The following TENM4 variants were observed in gnomAD, a reference collection of about 807,000 sequenced individuals.
The protein encoded by TENM4 is teneurin-4.
A neutral mutation model predicts 243.3 loss-of-function variants in TENM4; 82 were observed. The ratio of observed to expected loss-of-function variants is 0.34; its 90% CI spans 0.28 to 0.40. The LOEUF is 0.40. Ranked by LOEUF, TENM4 falls within the 10% of genes least tolerant of loss-of-function variation. TENM4 has a pLI of 1.00. For synonymous variants in TENM4, 1,412 were observed against 1,456.3 expected, an observed-to-expected ratio of 0.97 and a Z score of 0.69; for missense variants, 3,138 against 3,673.3, an observed-to-expected ratio of 0.85 and a Z score of 3.77.
intron 2 of TENM4, among the ~76,000 whole-genome samples, chr11:79,220,682 A>G (rs1279518134): frequency 6.6e-6 from 1 of 152,218 alleles, no homozygotes; most frequent in African/African-American, 2.4e-5. Flanking sequence ...CCTGTCCTTC[A>G]GCTAGCTCTT....
At chr11:78,930,548 G>A (rs1856645238) in intron 6 of TENM4, among the ~76,000 whole-genome samples, 2 of 152,144 alleles carry the variant, frequency 1.3e-5, no homozygotes, top group Admixed American at 6.5e-5. Context: ...TCCTATCTGA[G>A]CCTCGGTACG....
intron 12 of TENM4, among the ~76,000 whole-genome samples, chr11:78,826,131 A>G (rs1320599351): frequency 8.5e-6 from 1 of 117,536 alleles, no homozygotes; most frequent in Admixed American, 1.3e-4. Context: ...CTTGTTGCCC[A>G]GGCTGGAGTG....
intron 1 of TENM4, among the ~76,000 whole-genome samples, chr11:79,330,572 T>C (rs1037889178): frequency 5.9e-5 from 9 of 152,302 alleles, no homozygotes; most frequent in Middle Eastern, 3.4e-3. Context: ...CTTCCTCATC[T>C]GTAAAACGGA....
intron 17 of TENM4, among the ~76,000 whole-genome samples, chr11:78,775,277 A>G (rs1397249797): frequency 6.6e-6 from 1 of 152,204 alleles, no homozygotes; most frequent in Non-Finnish European, 1.5e-5. Context: ...CTGTAGGCAC[A>G]TGGCATCTTG....
chr11:79,006,984 T>C (rs1409147456), intron 6 of TENM4, among the ~76,000 whole-genome samples: 3 of 152,168 alleles, frequency 2.0e-5, no homozygotes, highest in Non-Finnish European at 2.9e-5. Context: ...GTTGAAGGCC[T>C]GAATAAAACA....
intron 32 of TENM4, among the ~76,000 whole-genome samples, chr11:78,667,402 AG>A (rs1858183652): frequency 6.6e-6 from 1 of 152,198 alleles, no homozygotes; most frequent in African/African-American, 2.4e-5. Flanking sequence ...CACGTCTGTA[AG>A]GGGCATTCAT....
At chr11:79,346,678 G>C (rs962185902) in intron 1 of TENM4, among the ~76,000 whole-genome samples, 1 of 152,164 alleles carries the variant, frequency 6.6e-6, no homozygotes, top group African/African-American at 2.4e-5. Context: ...AGGAGAGCTG[G>C]AGCTGGAATT....
In TENM4 at chr11:78,736,477, T is replaced by TGCGC. The variant is rs1555073138; in HGVS notation, c.2876+1973_2876+1974insGCGC. On this transcript the variant is annotated intron_variant, in intron 20 of 33. Transcript: ENST00000278550. ...GTGTGTGTGTGTGTGTGTGTGTGTG[T>TGCGC]GTGCGCGCGCGTGCATGTGAGTAGG... 2.8e-3 allele frequency among the ~76,000 whole-genome samples: 289 copies of TGCGC among 102,118 alleles called. 2 individuals are homozygous for TGCGC. Among genetic ancestry groups the TGCGC allele is most frequent in the African/African-American group, 9.2e-3 (274 of 29,936 alleles). The allele number at this position is 102,118 out of a possible 152,430, so 67.0% of individuals were successfully genotyped here.
intron 12 of TENM4, among the ~76,000 whole-genome samples, chr11:78,848,071 G>A (rs1048215267): frequency 1.2e-4 from 17 of 145,426 alleles, no homozygotes; most frequent in African/African-American, 3.9e-4. Flanking sequence ...GGAATGGATT[G>A]TAGGGAAAGC....
chr11:78,766,253 A>G (rs554832578), intron 18 of TENM4, among the ~76,000 whole-genome samples: 4 of 152,300 alleles, frequency 2.6e-5, no homozygotes, highest in African/African-American at 9.6e-5. Flanking sequence ...GGGCCTTTCA[A>G]TATATAACCT....
At chr11:79,124,909 G>GTC (rs1185996658) in intron 4 of TENM4, among the ~76,000 whole-genome samples, 4 of 149,404 alleles carry the variant, frequency 2.7e-5, no homozygotes, top group Non-Finnish European at 5.9e-5. Flanking sequence ...GTGTGTGTGT[G>GTC]TGTGTGTGTG....
chr11:78,726,307 T>C (rs597327), intron 22 of TENM4, 85 bp from the exon 23 acceptor site: 179,443 of 1,448,022 alleles, frequency 0.12, 12,805 homozygotes, highest in African/African-American at 0.28. Flanking sequence ...GCCCCTGGCT[T>C]ATCTTTTGTA....
At chr11:79,085,393 GGT>G (rs1491318196) in intron 4 of TENM4, among the ~76,000 whole-genome samples, 38,629 of 146,894 alleles carry the variant, frequency 0.26, 5,297 homozygotes, top group East Asian at 0.42. Context: ...AAAAAAGGGG[GGT>G]TTTTTTTTTG....
At chr11:79,381,148 C>A (rs937006817) in intron 1 of TENM4, among the ~76,000 whole-genome samples, 10 of 152,074 alleles carry the variant, frequency 6.6e-5, no homozygotes, top group African/African-American at 2.4e-4. Context: ...CTTGCTACAC[C>A]AGCTTGCTTT....
intron 18 of TENM4, among the ~76,000 whole-genome samples, chr11:78,759,262 C>G (rs1302233262): frequency 2.0e-5 from 3 of 152,246 alleles, no homozygotes; most frequent in Non-Finnish European, 4.4e-5. Context: ...ATCACACATT[C>G]TCATGCTGCC....
chr11:79,204,681 GT>G (rs1211669998), intron 3 of TENM4, among the ~76,000 whole-genome samples: 1 of 152,214 alleles, frequency 6.6e-6, no homozygotes, highest in Non-Finnish European at 1.5e-5. Context: ...ATTTGGCAGT[GT>G]TTAGTAGAGC....
chr11:79,018,713 T>G (rs763977974), intron 6 of TENM4, among the ~76,000 whole-genome samples: 2 of 152,190 alleles, frequency 1.3e-5, no homozygotes, highest in Non-Finnish European at 2.9e-5. Context: ...ATATGTGCAT[T>G]GTGATTTGAG....
At position 78,719,985 on chromosome 11, in the gene TENM4, T is replaced by C. The variant is rs565963113; in HGVS notation, c.3821+385A>G. 1.3e-3 allele frequency among the ~76,000 whole-genome samples: 196 copies of C among 152,314 alleles called. 1 individual carries two copies. Among genetic ancestry groups the C allele is most frequent in the Non-Finnish European group, 2.2e-3 (147 of 68,024 alleles). On this transcript the variant is annotated intron_variant, in intron 25 of 33. Transcript: ENST00000278550. The stretch of plus-strand genomic sequence containing the variant: ...GTGAAATCTGTCTTCTTCCAGATTG[T>C]TCACCTGATCAAGATGTTCTCAGGA...
At chr11:78,986,862 C>T (rs1005440401) in intron 6 of TENM4, among the ~76,000 whole-genome samples, 1 of 152,208 alleles carries the variant, frequency 6.6e-6, no homozygotes, top group African/African-American at 2.4e-5. Context: ...GCGTGAGTGA[C>T]CCCACTCGGC....
Sources: allele counts gnomAD v4.1 joint callset (sites outside exome capture counted in the v4.1 genomes callset), GRCh38; gene constraint gnomAD v4.1.1; transcripts MANE v1.5; gene names NCBI Gene and HGNC (gene_info 2026-07-23, HGNC 2026-07-21).